The following NXPE2 variants were observed in gnomAD, a reference collection of about 807,000 sequenced individuals.
NXPE2 encodes the protein NXPE family member 2.
NXPE2 carries 34 observed loss-of-function variants against 34.4 expected under a neutral mutation model. The observed-to-expected ratio is 0.99, with a 90% CI of 0.75 to 1.31. The LOEUF is 1.31. Among genes scored for constraint, NXPE2 ranks in the 40% most tolerant of loss-of-function variants. The pLI, the probability that NXPE2 is intolerant of heterozygous loss-of-function variation, is 0.00. For synonymous variants in NXPE2, 235 were observed against 231.3 expected (o/e 1.02, Z -0.15); for missense variants, 649 against 672.5 (o/e 0.97, Z 0.39).
At chr11:114,697,220 G>A (rs1441152618) in intron 2 of NXPE2, among the ~76,000 whole-genome samples, 1 of 152,104 alleles carries the variant, frequency 6.6e-6, no homozygotes, top group Non-Finnish European at 1.5e-5. Flanking sequence ...CTGGATTAAG[G>A]GGGATCCTAA....
chr11:114,610,759 C>G, the NXPE2 span, among the ~76,000 whole-genome samples: 1 of 151,730 alleles, frequency 6.6e-6, no homozygotes, highest in South Asian at 2.1e-4. Flanking sequence ...ATAAGTGTTG[C>G]CTTGTCGGTA....
chr11:114,601,787 ATG>A, the NXPE2 span, among the ~76,000 whole-genome samples: 53 of 71,792 alleles, frequency 7.4e-4, 2 homozygotes, highest in African/African-American at 2.7e-3. Context: ...ATTATATAAC[ATG>A]TGATATATGA....
the NXPE2 span, among the ~76,000 whole-genome samples, chr11:114,630,958 T>G: frequency 2.7e-5 from 4 of 150,666 alleles, no homozygotes; most frequent in African/African-American, 9.7e-5. Context: ...GAAATGCAAA[T>G]CAAAACCACA....
At chr11:114,545,674 T>A in the NXPE2 span, among the ~76,000 whole-genome samples, 1 of 151,764 alleles carries the variant, frequency 6.6e-6, no homozygotes, top group Non-Finnish European at 1.5e-5. Flanking sequence ...TTGAATCTTA[T>A]AACACAAAGA....
intron 2 of NXPE2, among the ~76,000 whole-genome samples, chr11:114,695,857 A>ACG (rs1371347150): frequency 1.3e-5 from 2 of 151,400 alleles, no homozygotes; most frequent in African/African-American, 4.9e-5. Flanking sequence ...ACACACACAC[A>ACG]CACACACACA....
At chr11:114,740,800 T>C in the NXPE2 span, among the ~76,000 whole-genome samples, 1 of 152,182 alleles carries the variant, frequency 6.6e-6, no homozygotes, top group African/African-American at 2.4e-5. Flanking sequence ...TTGCTGTCTA[T>C]TTCTCCCTTC....
chr11:114,512,972 T>A, the NXPE2 span: 1 of 342,568 alleles, frequency 2.9e-6, no homozygotes, highest in Admixed American at 3.9e-5. Context: ...TGTTGGTGTC[T>A]CGCCCTCCAG....
At chr11:114,557,713 C>G in the NXPE2 span, among the ~76,000 whole-genome samples, 1 of 143,966 alleles carries the variant, frequency 6.9e-6, no homozygotes, top group Non-Finnish European at 1.5e-5. Flanking sequence ...TAGTTTCCTT[C>G]TTTTTCATTC....
chr11:114,736,583 A>G, the NXPE2 span, among the ~76,000 whole-genome samples: 3 of 152,106 alleles, frequency 2.0e-5, no homozygotes, highest in Admixed American at 2.0e-4. Context: ...TTGTTCAAAC[A>G]CGCATGCTCT....
chr11:114,608,260 G>C, the NXPE2 span, among the ~76,000 whole-genome samples: 20 of 150,824 alleles, frequency 1.3e-4, no homozygotes, highest in Non-Finnish European at 1.5e-5. Flanking sequence ...TAAAAGTTTT[G>C]CCTTGTGGGT....
the NXPE2 span, among the ~76,000 whole-genome samples, chr11:114,556,255 C>T: frequency 4.3e-4 from 66 of 152,300 alleles, 1 homozygote; most frequent in African/African-American, 1.5e-3. Context: ...GGGCTTTTTA[C>T]ACCACGTTCC....
the NXPE2 span, among the ~76,000 whole-genome samples, chr11:114,477,746 G>A: frequency 6.6e-6 from 1 of 151,384 alleles, no homozygotes; most frequent in Non-Finnish European, 1.5e-5. Flanking sequence ...TAAAATTCTA[G>A]AACATGAAAA....
the NXPE2 span, among the ~76,000 whole-genome samples, chr11:114,621,516 C>A: frequency 1.3e-5 from 2 of 152,034 alleles, no homozygotes; most frequent in Admixed American, 1.3e-4. Context: ...AGTATTGCCT[C>A]GTGTGTAACC....
chr11:114,619,081 A>G, the NXPE2 span, among the ~76,000 whole-genome samples: 1 of 144,720 alleles, frequency 6.9e-6, no homozygotes, highest in Non-Finnish European at 1.5e-5. Context: ...TAAGTATTGC[A>G]TCATGGGTAA....
chr11:114,662,127 G>T, the NXPE2 span, among the ~76,000 whole-genome samples: 54 of 152,218 alleles, frequency 3.5e-4, no homozygotes, highest in African/African-American at 1.2e-3. Context: ...ACTGAAAGAG[G>T]CACTGAAGAA....
upstream of NXPE2, among the ~76,000 whole-genome samples, chr11:114,676,306 G>A (rs371794761): frequency 7.2e-5 from 11 of 151,908 alleles, no homozygotes; most frequent in South Asian, 2.1e-3. Flanking sequence ...ACAATTAACA[G>A]AATGAAGAGA....
At chr11:114,679,827 T>C in intron 2 of NXPE2, 65 bp downstream of exon 2, 1 of 893,314 alleles carries the variant, frequency 1.1e-6, no homozygotes, top group Non-Finnish European at 1.8e-6. Context: ...ATGACCCCCT[T>C]TATCATGGCA....
At chr11:114,565,075 G>T in the NXPE2 span, among the ~76,000 whole-genome samples, 1 of 152,176 alleles carries the variant, frequency 6.6e-6, no homozygotes, top group African/African-American at 2.4e-5. Context: ...GAACAGTACA[G>T]CGAATAACAG....
intron 2 of NXPE2, among the ~76,000 whole-genome samples, chr11:114,688,957 A>T (rs1951097703): frequency 6.6e-6 from 1 of 151,928 alleles, no homozygotes; most frequent in South Asian, 2.1e-4. Flanking sequence ...GTAATTTCTG[A>T]TTGTGCTTAT....
Sources: gnomAD v4.1 joint callset for allele counts (sites outside exome capture counted in the v4.1 genomes callset) on GRCh38, gnomAD v4.1.1 for gene constraint, MANE v1.5 for transcripts, NCBI Gene and HGNC (gene_info 2026-07-23, HGNC 2026-07-21) for gene names.